Variants in NRXN1 observed in about 807,000 individuals in gnomAD.
The protein encoded by NRXN1 is neurexin-1.
Under a neutral mutation model 150.9 loss-of-function variants are expected in NRXN1, and 39 were observed. That is an observed-to-expected ratio of 0.26 (90% CI 0.20 to 0.34). The LOEUF is 0.34. Ranked by LOEUF, NRXN1 falls within the 10% of genes least tolerant of loss-of-function variation. The pLI, the probability that NRXN1 is intolerant of heterozygous loss-of-function variation, is 1.00. For synonymous variants in NRXN1, 924 were observed against 757.0 expected (o/e 1.22, Z -3.62); for missense variants, 1,815 against 1,949.9 (o/e 0.93, Z 1.30).
chr2:50,143,965 C>T (rs1413422951), intron 18 of NRXN1, among the ~76,000 whole-genome samples: 1 of 151,914 alleles, frequency 6.6e-6, no homozygotes, highest in East Asian at 1.9e-4. Flanking sequence ...CTATATTTTT[C>T]TCCTCTTCCA....
chr2:50,900,235 C>T (rs1341566097), intron 5 of NRXN1, among the ~76,000 whole-genome samples: 1 of 152,140 alleles, frequency 6.6e-6, no homozygotes, highest in Non-Finnish European at 1.5e-5. Flanking sequence ...ACATGTTGGA[C>T]AATGTGGGAT....
At chr2:50,831,069 A>C (rs1242880231) in intron 5 of NRXN1, among the ~76,000 whole-genome samples, 3 of 152,300 alleles carry the variant, frequency 2.0e-5, no homozygotes, top group Non-Finnish European at 2.9e-5. Context: ...TGTCTCCTCA[A>C]ACATTTATCC....
At chr2:50,032,808 G>C (rs1256687675) in intron 21 of NRXN1, among the ~76,000 whole-genome samples, 1 of 151,862 alleles carries the variant, frequency 6.6e-6, no homozygotes, top group African/African-American at 2.4e-5. Flanking sequence ...GCCGGTAAGA[G>C]AGCTGTCATC....
intron 17 of NRXN1, among the ~76,000 whole-genome samples, chr2:50,337,370 C>T (rs538599438): frequency 5.3e-5 from 8 of 152,290 alleles, no homozygotes; most frequent in South Asian, 4.1e-4. Context: ...CAGGCGTGAG[C>T]CACCGCACCT....
intron 22 of NRXN1, among the ~76,000 whole-genome samples, chr2:49,929,138 T>A (rs961495640): frequency 6.6e-6 from 1 of 152,028 alleles, no homozygotes; most frequent in Non-Finnish European, 1.5e-5. Context: ...AGGTATTGAA[T>A]GGGAAGGGAT....
chr2:50,770,514 T>G (rs976224735), intron 5 of NRXN1, among the ~76,000 whole-genome samples: 1 of 152,046 alleles, frequency 6.6e-6, no homozygotes, highest in African/African-American at 2.4e-5. Flanking sequence ...TTTGGACCCA[T>G]CTTAATATGG....
chr2:50,621,214 T>C lies in NRXN1; in HGVS notation c.1158+12A>G. 6.4e-7 allele frequency: 1 copy of C among 1,566,270 alleles called. No homozygotes were observed. The highest frequency in any genetic ancestry group is 8.7e-7 in the Non-Finnish European group (1 of 1,154,020). ...TTAGAATGATATCTACCGAACAATGTAGTTTGTTTACCATAGCGTGTCCAA... is the reference window on the plus strand; with the variant it reads ...TTAGAATGATATCTACCGAACAATGCAGTTTGTTTACCATAGCGTGTCCAA... On this transcript the variant is annotated intron_variant, in intron 7 of 22. Transcript: ENST00000401669.
chr2:50,776,994 G>A (rs1703727933), intron 5 of NRXN1, among the ~76,000 whole-genome samples: 1 of 152,168 alleles, frequency 6.6e-6, no homozygotes, highest in Non-Finnish European at 1.5e-5. Flanking sequence ...ATTTTGTCTT[G>A]TATCTGCCTG....
chr2:50,745,305 C>CCT (rs1554039534), intron 5 of NRXN1, among the ~76,000 whole-genome samples: 5 of 146,430 alleles, frequency 3.4e-5, no homozygotes, highest in African/African-American at 1.3e-4. Flanking sequence ...ATCTGCCCCC[C>CCT]CCCAGGACTG....
intron 18 of NRXN1, among the ~76,000 whole-genome samples, chr2:50,232,681 G>A (rs1039383083): frequency 1.3e-5 from 2 of 151,754 alleles, no homozygotes; most frequent in African/African-American, 2.4e-5. Context: ...CACTGAGCCC[G>A]GCTATTTTTC....
At chr2:50,151,541 T>C (rs2058698269) in intron 18 of NRXN1, among the ~76,000 whole-genome samples, 1 of 151,708 alleles carries the variant, frequency 6.6e-6, no homozygotes, top group African/African-American at 2.4e-5. Context: ...GTTTCTAATG[T>C]ATTTATAGGG....
intron 17 of NRXN1, among the ~76,000 whole-genome samples, chr2:50,251,641 C>T (rs569453884): frequency 3.9e-5 from 6 of 152,112 alleles, no homozygotes; most frequent in Non-Finnish European, 8.8e-5. Context: ...AATTTACATT[C>T]CCACCAACAG....
chr2:50,963,749 C>T (rs1216105082), intron 2 of NRXN1, among the ~76,000 whole-genome samples: 1 of 151,578 alleles, frequency 6.6e-6, no homozygotes, highest in Non-Finnish European at 1.5e-5. Context: ...TAAGCAGATT[C>T]CTCTATTCTG....
intron 18 of NRXN1, among the ~76,000 whole-genome samples, chr2:50,232,999 A>G (rs2065090268): frequency 6.6e-6 from 1 of 152,024 alleles, no homozygotes; most frequent in Non-Finnish European, 1.5e-5. Context: ...CTGTATTGTA[A>G]TCAGGAACCT....
At chr2:50,851,742 G>GA (rs972633686) in intron 5 of NRXN1, among the ~76,000 whole-genome samples, 86 of 151,112 alleles carry the variant, frequency 5.7e-4, no homozygotes, top group African/African-American at 1.6e-3. Flanking sequence ...CAAAAAGGGA[G>GA]AAAAAAAAAT....
At chr2:50,643,871 A>G (rs1684418761) in intron 5 of NRXN1, among the ~76,000 whole-genome samples, 1 of 151,822 alleles carries the variant, frequency 6.6e-6, no homozygotes, top group Non-Finnish European at 1.5e-5. Context: ...AGGCTTTTAT[A>G]AACATTTAGC....
intron 19 of NRXN1, among the ~76,000 whole-genome samples, chr2:50,060,420 T>C (rs903609394): frequency 1.3e-5 from 2 of 152,290 alleles, no homozygotes; most frequent in African/African-American, 2.4e-5. Context: ...TATAGGCTCA[T>C]AGGCAGAAAG....
intron 17 of NRXN1, among the ~76,000 whole-genome samples, chr2:50,294,076 G>C (rs2073268423): frequency 6.6e-6 from 1 of 152,170 alleles, no homozygotes; most frequent in African/African-American, 2.4e-5. Flanking sequence ...TATAATCCCA[G>C]ATGACTTACT....
In NRXN1 at chr2:50,431,804, G is replaced by A. The variant is rs1353952187; in HGVS notation, c.3364+33638C>T. On this transcript the variant is annotated intron_variant, in intron 17 of 22. Coordinates refer to ENST00000401669, the MANE Select transcript of NRXN1 (RefSeq NM_001330078.2). ...ATCCAGTCCTTTACACAAAAAGTTT[G>A]TTGACTTTTGCACAAGATGGTTCTC... Among the ~76,000 whole-genome samples the A allele has an allele frequency of 7.2e-5, 11 of 151,932 alleles. No homozygotes were observed. The East Asian group carries it at 1.9e-3, about 27-fold the overall frequency.
Sources: gnomAD v4.1 joint callset for allele counts (sites outside exome capture counted in the v4.1 genomes callset) on GRCh38, gnomAD v4.1.1 for gene constraint, MANE v1.5 for transcripts, NCBI Gene and HGNC (gene_info 2026-07-23, HGNC 2026-07-21) for gene names.